TEX11: variants seen among roughly 807,000 people sequenced by gnomAD.
The protein encoded by TEX11 is testis expressed 11.
A neutral mutation model predicts 84.4 loss-of-function variants in TEX11; 7 were observed. The ratio of observed to expected loss-of-function variants is 0.08; its 90% confidence interval spans 0.05 to 0.16. The LOEUF (loss-of-function observed/expected upper bound fraction) is 0.16, where lower values mean the gene tolerates loss of function less well. Ranked by LOEUF, TEX11 falls within the 10% of genes least tolerant of loss-of-function variation. The probability of loss-of-function intolerance (pLI) is 1.00; values close to 1 mark genes in which losing one functional copy is unlikely to be tolerated. For missense variants in TEX11, 551 were observed against 660.5 expected (o/e 0.83, Z 1.82); for synonymous variants, 264 against 222.8 (o/e 1.18, Z -1.64).
chrX:70,801,232 C>T (rs1486757551), intron 9 of TEX11, among the ~76,000 whole-genome samples: 4 of 111,584 alleles, frequency 3.6e-5, no homozygotes, highest in Non-Finnish European at 5.6e-5. Flanking sequence ...GAACCACACC[C>T]AACATGACAG....
intron 24 of TEX11, among the ~76,000 whole-genome samples, chrX:70,600,443 C>T (rs5936573): frequency 0.42 from 46,532 of 109,880 alleles, 8,296 homozygotes; most frequent in East Asian, 0.61. Flanking sequence ...CCACCATCAA[C>T]ATTAGACAGA....
rs1488563150 is a variant in TEX11, at chrX:70,682,778, T to G, written c.1052A>C (p.Lys351Thr). The G allele has an allele frequency of 2.5e-6, 3 of 1,210,272 alleles. No homozygotes were observed. In the Admixed American group the frequency reaches 6.5e-5, roughly 26 times the overall value. The change falls in exon 14 of 30, where the codon AAG becomes ACG. Residue 351 changes from lysine to threonine, a missense_variant. Physicochemically the swap from Lys to Thr is moderately conservative, Grantham distance 78. Transcript: ENST00000374333. ...HFLTIIHERF[K>T]SSENIGKVLI... Reference sequence around the variant, plus strand: ...AACTTTTCCAATATTTTCCGATGACTTAAAACGTTCATGAATAATCGTCAG... The same window carrying G: ...AACTTTTCCAATATTTTCCGATGACGTAAAACGTTCATGAATAATCGTCAG...
chrX:70,560,893 GTTTTTTTTTTTTTTTTTTTT>G (rs745618647), intron 25 of TEX11, among the ~76,000 whole-genome samples: 3 of 33,593 alleles, frequency 8.9e-5, no homozygotes, highest in East Asian at 1.5e-3. Flanking sequence ...CACCACACCG[GTTTTTTTTTTTTTTTTTTTT>G]TTTTTTTTTT....
chrX:70,566,682 T>C (rs1454070631), intron 25 of TEX11, among the ~76,000 whole-genome samples: 6 of 111,656 alleles, frequency 5.4e-5, no homozygotes, highest in African/African-American at 1.6e-4. Context: ...TTGTCTTTGG[T>C]TCTGTTTATA....
At chrX:70,708,129 T>C (rs2090393266) in intron 13 of TEX11, among the ~76,000 whole-genome samples, 2 of 110,200 alleles carry the variant, frequency 1.8e-5, no homozygotes, top group Admixed American at 1.9e-4. Flanking sequence ...CATTAAAAAA[T>C]GGGCAAAGGA....
chrX:70,792,316 AT>A (rs757935025), intron 9 of TEX11, among the ~76,000 whole-genome samples: 446 of 5,637 alleles, frequency 0.079, 39 homozygotes, highest in African/African-American at 0.15. Flanking sequence ...AAAAAAAAAA[AT>A]ATATATATAT....
intron 16 of TEX11, among the ~76,000 whole-genome samples, chrX:70,667,473 A>T (rs1045296850): frequency 8.9e-6 from 1 of 112,103 alleles, no homozygotes. Context: ...AACACATAGG[A>T]GACAATAAAT....
chrX:70,834,858 C>A (rs1023785440), intron 7 of TEX11, among the ~76,000 whole-genome samples: 6 of 110,190 alleles, frequency 5.4e-5, no homozygotes, highest in Non-Finnish European at 9.5e-5. Flanking sequence ...TTTCTTTCTT[C>A]TCTTCTTTAC....
chrX:70,539,390 C>A (rs973634756), intron 28 of TEX11, among the ~76,000 whole-genome samples: 40 of 110,609 alleles, frequency 3.6e-4, no homozygotes, highest in Non-Finnish European at 7.2e-4. Flanking sequence ...AGATTCCATG[C>A]TTCTAACAAG....
intron 8 of TEX11, among the ~76,000 whole-genome samples, chrX:70,830,605 A>T (rs2091372014): frequency 8.9e-6 from 1 of 112,256 alleles, no homozygotes; most frequent in Non-Finnish European, 1.9e-5. Flanking sequence ...GAACTCAAAC[A>T]CTGCAATAGC....
At chrX:70,845,745 T>C in intron 7 of TEX11, among the ~76,000 whole-genome samples, 1 of 111,069 alleles carries the variant, frequency 9.0e-6, no homozygotes, top group Middle Eastern at 4.6e-3. Flanking sequence ...GGAGAATCGC[T>C]TGAACCCAGG....
intron 15 of TEX11, among the ~76,000 whole-genome samples, chrX:70,671,910 T>TATATACATATATATATATATATAC (rs57166359): frequency 1.5e-5 from 1 of 67,983 alleles, no homozygotes; most frequent in Non-Finnish European, 2.8e-5. Context: ...TATATATATA[T>TATATACATATATATATATATATAC]ACACACACAC....
intron 25 of TEX11, among the ~76,000 whole-genome samples, chrX:70,591,468 T>C (rs2088928965): frequency 1.8e-5 from 2 of 110,578 alleles, no homozygotes; most frequent in South Asian, 3.9e-4. Context: ...CCAGGCGTTG[T>C]AGTGCATGCC....
intron 9 of TEX11, among the ~76,000 whole-genome samples, chrX:70,756,037 G>T (rs1021098776): frequency 5.3e-5 from 6 of 112,194 alleles, no homozygotes; most frequent in African/African-American, 1.9e-4. Flanking sequence ...AGCTTGGCGG[G>T]GGGAGGGGTG....
intron 5 of TEX11, among the ~76,000 whole-genome samples, chrX:70,855,152 G>A (rs942779952): frequency 9.0e-6 from 1 of 111,251 alleles, no homozygotes; most frequent in South Asian, 3.7e-4. Flanking sequence ...ATTTAAAATA[G>A]TATAATATAA....
chrX:70,792,577 A>T (rs2091131174), intron 9 of TEX11, among the ~76,000 whole-genome samples: 1 of 107,255 alleles, frequency 9.3e-6, no homozygotes, highest in South Asian at 4.1e-4. Flanking sequence ...GAGATGTAAA[A>T]CTGTATACAA....
At chrX:70,777,492 A>T (rs1251470250) in intron 9 of TEX11, among the ~76,000 whole-genome samples, 1 of 111,295 alleles carries the variant, frequency 9.0e-6, no homozygotes, top group African/African-American at 3.3e-5. Context: ...TCTACTAAAA[A>T]TACAAAATTA....
At chrX:70,897,680 AAAGAAAGAAAGAAAGAAAGAAAG>A (rs1392554114) in intron 2 of TEX11, 28 of 12,387 alleles carry the variant, frequency 2.3e-3, no homozygotes, top group African/African-American at 4.6e-3. Context: ...AAAGAAAGAA[AAAGAAAGAAAGAAAGAAAGAAAG>A]AAAGAAAGAA....
intron 4 of TEX11, among the ~76,000 whole-genome samples, chrX:70,862,653 C>T (rs2091576328): frequency 9.3e-6 from 1 of 107,765 alleles, no homozygotes; most frequent in Non-Finnish European, 1.9e-5. Flanking sequence ...CCTGTAACCC[C>T]AACACTTTAA....
Sources: gnomAD v4.1 joint callset for allele counts (sites outside exome capture counted in the v4.1 genomes callset) on GRCh38, gnomAD v4.1.1 for gene constraint, MANE v1.5 for transcripts, NCBI Gene and HGNC (gene_info 2026-07-23, HGNC 2026-07-21) for gene names.